The following SYCP1 variants were observed in gnomAD, a reference collection of about 807,000 sequenced individuals.
SYCP1 encodes synaptonemal complex protein 1.
A neutral mutation model predicts 153.1 loss-of-function variants in SYCP1; 64 were observed. The observed-to-expected ratio is 0.42, with a 90% CI of 0.34 to 0.51. SYCP1 has a LOEUF of 0.51. SYCP1 is among the 20% of genes least tolerant of loss of function. The pLI, the probability that SYCP1 is intolerant of heterozygous loss-of-function variation, is 0.06. For missense variants in SYCP1, 997 were observed against 1,049.0 expected (o/e 0.95, Z 0.68); for synonymous variants, 384 against 341.8 (o/e 1.12, Z -1.36).
intron 22 of SYCP1, 66 bp from the exon 23 acceptor site, chr1:114,926,435 T>C: frequency 6.7e-7 from 1 of 1,494,722 alleles, no homozygotes; most frequent in Admixed American, 2.2e-5. Flanking sequence ...AATTTAAGTC[T>C]AAGTCAGTAG....
intron 30 of SYCP1, among the ~76,000 whole-genome samples, chr1:114,988,063 C>T (rs1673644120): frequency 3.0e-5 from 4 of 132,638 alleles, no homozygotes; most frequent in Admixed American, 8.3e-5. Context: ...ATTGAAGTTA[C>T]TGAGTCTGAT....
At chr1:114,889,616 G>A (rs1315312723) in intron 15 of SYCP1, among the ~76,000 whole-genome samples, 22 of 152,220 alleles carry the variant, frequency 1.4e-4, no homozygotes, top group Admixed American at 1.4e-3. Flanking sequence ...TTTGTCAGAT[G>A]AGTAGATTGC....
At chr1:114,890,640 C>T (rs1666644371) in intron 15 of SYCP1, among the ~76,000 whole-genome samples, 1 of 152,096 alleles carries the variant, frequency 6.6e-6, no homozygotes, top group Non-Finnish European at 1.5e-5. Context: ...GTGTACAAAA[C>T]ATCATGTGTA....
chr1:114,992,951 T>C (rs1570934063), intron 30 of SYCP1, among the ~76,000 whole-genome samples: 1 of 151,412 alleles, frequency 6.6e-6, no homozygotes. Flanking sequence ...AAAGTCCCAA[T>C]TGAAAAGTGG....
intron 27 of SYCP1, among the ~76,000 whole-genome samples, chr1:114,963,863 A>G (rs1671936601): frequency 6.6e-6 from 1 of 152,216 alleles, no homozygotes; most frequent in African/African-American, 2.4e-5. Flanking sequence ...TAGTAGAATG[A>G]TTTATAATCC....
rs563310041 is a variant in SYCP1 at position 114,928,781 on chromosome 1, G to A, written c.1926+2218G>A. Among the ~76,000 whole-genome samples the A allele has an allele frequency of 3.9e-5, 6 of 152,192 alleles. No individual in the cohort carries two copies. In the South Asian group the frequency reaches 1.0e-3, roughly 26 times the overall value. On this transcript the variant is annotated intron_variant, in intron 23 of 31. Coordinates refer to ENST00000369522, the MANE Select transcript of SYCP1 (RefSeq NM_003176.4). ...CAATATTAACACTTAAATAGAGTTT[G>A]GTAAGTTAGTGATACATACTATCCT...
At chr1:114,981,266 T>G (rs1557850304) in intron 28 of SYCP1, 70 bp from the exon 29 acceptor site, 1 of 1,257,938 alleles carries the variant, frequency 7.9e-7, no homozygotes, top group Non-Finnish European at 1.1e-6. Flanking sequence ...TTGCTGCACT[T>G]TAATTAAAGA....
At chr1:114,890,354 ATATT>A (rs1288498150) in intron 15 of SYCP1, among the ~76,000 whole-genome samples, 1 of 151,384 alleles carries the variant, frequency 6.6e-6, no homozygotes, top group African/African-American at 2.4e-5. Flanking sequence ...ACTGTAATAC[ATATT>A]TATATTTTAT....
At chr1:114,917,025 A>T (rs1001391387) in intron 20 of SYCP1, among the ~76,000 whole-genome samples, 1 of 152,080 alleles carries the variant, frequency 6.6e-6, no homozygotes, top group South Asian at 2.1e-4. Context: ...TTTTACTTTT[A>T]AAAAAAGTAC....
chr1:114,903,126 G>A (rs1032899882), intron 16 of SYCP1, among the ~76,000 whole-genome samples: 1 of 152,194 alleles, frequency 6.6e-6, no homozygotes, highest in Non-Finnish European at 1.5e-5. Context: ...GTTGCAGTGA[G>A]CTGAGATTGA....
intron 11 of SYCP1, 173 bp downstream of exon 11, chr1:114,876,983 C>A: frequency 3.4e-6 from 1 of 291,098 alleles, no homozygotes; most frequent in Non-Finnish European, 6.5e-6. Flanking sequence ...TTCATTGACT[C>A]AAATATGTAC....
At chr1:114,864,256 T>A (rs897128922) in intron 8 of SYCP1, among the ~76,000 whole-genome samples, 27 of 151,796 alleles carry the variant, frequency 1.8e-4, no homozygotes, top group Non-Finnish European at 2.4e-4. Context: ...GATTGGGAAG[T>A]TTTTTCTGGT....
chr1:114,949,756 G>T (rs1452196416), intron 27 of SYCP1, among the ~76,000 whole-genome samples: 1 of 152,076 alleles, frequency 6.6e-6, no homozygotes, highest in African/African-American at 2.4e-5. Context: ...GTTTTTTCAG[G>T]TCTTATCTCC....
At chr1:114,992,551 A>T (rs939586605) in intron 30 of SYCP1, among the ~76,000 whole-genome samples, 3 of 151,578 alleles carry the variant, frequency 2.0e-5, no homozygotes, top group Admixed American at 1.3e-4. Context: ...GGGAAGGAAC[A>T]TTTTTTTCAA....
Position 114,984,799 on chromosome 1 carries a change from T to TAA in SYCP1, c.2641_2642dup (p.Lys883GlufsTer20). ...ACTTGAATATACCCATTGAAGAAAG[T>TAA]AAAAAAAAGAGAAAAATGGCCTTTG... On this transcript the variant is annotated frameshift_variant, in exon 30 of 32. Coordinates refer to ENST00000369522, the MANE Select transcript of SYCP1 (RefSeq NM_003176.4). LOFTEE classifies it high-confidence loss of function. The TAA allele has an allele frequency of 6.6e-7, 1 of 1,509,616 alleles. No individual in the cohort carries two copies. The highest frequency in any genetic ancestry group is 8.9e-7 in the Non-Finnish European group (1 of 1,128,910). 93.5% of individuals were successfully genotyped at this position (1,509,616 alleles called of 1,614,324 possible).
In SYCP1 at chr1:114,911,481, A is replaced by G; in HGVS notation, c.1428A>G (p.Lys476=). 3.9e-6 allele frequency: 6 copies of G among 1,549,492 alleles called. No homozygotes were observed. Among genetic ancestry groups the G allele is most frequent in the Non-Finnish European group, 4.3e-6 (5 of 1,153,176 alleles). ...ELIGLLQARE[K]EVHDLEIQLT... is the part of the protein sequence containing the mutation. ...AGTTATATATGTTTATTTTGCAGAA[A>G]GAAGTACATGATTTGGAAATACAGT... Residue 476 remains lysine, a splice_region_variant and synonymous_variant, in exon 18 of 32, where the codon AAA becomes AAG. Coordinates refer to ENST00000369522, the MANE Select transcript of SYCP1 (RefSeq NM_003176.4).
At chr1:114,856,141 G>T (rs930994599) in intron 2 of SYCP1, among the ~76,000 whole-genome samples, 12 of 152,154 alleles carry the variant, frequency 7.9e-5, no homozygotes, top group African/African-American at 2.7e-4. Flanking sequence ...GAGATGCAAT[G>T]ATGCAATGAA....
chr1:114,874,115 CTG>C (rs1242712261), intron 8 of SYCP1, among the ~76,000 whole-genome samples: 2 of 152,198 alleles, frequency 1.3e-5, no homozygotes, highest in African/African-American at 2.4e-5. Context: ...TTCCCTGACT[CTG>C]GTTCCCACAG....
At chr1:114,946,441 G>C in intron 26 of SYCP1, 60 bp downstream of exon 26, 1 of 1,031,880 alleles carries the variant, frequency 9.7e-7, no homozygotes, top group East Asian at 2.9e-5. Flanking sequence ...AGTGACTGGT[G>C]GTAAAGAATA....
Sources: gnomAD v4.1 joint callset for allele counts (sites outside exome capture counted in the v4.1 genomes callset) on GRCh38, gnomAD v4.1.1 for gene constraint, MANE v1.5 for transcripts, NCBI Gene and HGNC (gene_info 2026-07-23, HGNC 2026-07-21) for gene names.